The following KIAA1217 variants were observed in gnomAD, a reference collection of about 807,000 sequenced individuals.
KIAA1217 encodes the protein KIAA1217.
Under a neutral mutation model 163.9 loss-of-function variants are expected in KIAA1217, and 88 were observed. The observed-to-expected ratio is 0.54, with a 90% confidence interval of 0.45 to 0.64. KIAA1217 has a LOEUF of 0.64. KIAA1217 is among the 30% of genes least tolerant of loss of function. The pLI is 0.00. For synonymous variants in KIAA1217, 903 were observed against 923.1 expected (o/e 0.98, Z 0.39); for missense variants, 2,372 against 2,475.0 (o/e 0.96, Z 0.88).
chr10:24,140,455 T>TCCC (rs2064015426), intron 2 of KIAA1217, among the ~76,000 whole-genome samples: 4 of 151,822 alleles, frequency 2.6e-5, no homozygotes. Flanking sequence ...CAGTATGAAG[T>TCCC]AAAATAAGCT....
At position 23,887,102 on chromosome 10, in the gene KIAA1217, T is replaced by A. The variant is rs1174678188; in HGVS notation, c.-320-120123T>A. 2.0e-5 allele frequency among the ~76,000 whole-genome samples: 3 copies of A among 151,910 alleles called. 1 individual carries two copies. Among genetic ancestry groups the A allele is most frequent in the Middle Eastern group, 6.3e-3 (2 of 316 alleles). On this transcript the variant is annotated intron_variant, in intron 1 of 18. Transcript: ENST00000376462. ...AGATTTTAGACTTGGCATTACCATC[T>A]TCTGGCTTTCTTATCTTTGGAACAT... is the stretch of plus-strand genomic sequence containing the variant.
At chr10:23,961,371 A>G (rs1844813971) in intron 1 of KIAA1217, among the ~76,000 whole-genome samples, 1 of 152,244 alleles carries the variant, frequency 6.6e-6, no homozygotes, top group Non-Finnish European at 1.5e-5. Context: ...ATTGGCCAAC[A>G]GTGCCATGCG....
At chr10:24,386,404 T>C (rs1363842852) in intron 3 of KIAA1217, among the ~76,000 whole-genome samples, 1 of 152,150 alleles carries the variant, frequency 6.6e-6, no homozygotes, top group African/African-American at 2.4e-5. Context: ...GAATCTTCCA[T>C]CCTGTGTACA....
intron 1 of KIAA1217, among the ~76,000 whole-genome samples, chr10:23,972,565 T>C (rs1158852297): frequency 6.6e-6 from 1 of 151,698 alleles, no homozygotes; most frequent in Non-Finnish European, 1.5e-5. Context: ...TATAGATATA[T>C]GTAAATTTTA....
intron 1 of KIAA1217, among the ~76,000 whole-genome samples, chr10:23,751,606 AG>A (rs1233281587): frequency 6.6e-6 from 1 of 152,120 alleles, no homozygotes; most frequent in African/African-American, 2.4e-5. Context: ...TAAAAAAAAA[AG>A]AAATTTCTTC....
intron 1 of KIAA1217, among the ~76,000 whole-genome samples, chr10:23,749,798 A>G (rs570485629): frequency 1.1e-4 from 17 of 152,202 alleles, no homozygotes; most frequent in African/African-American, 3.4e-4. Context: ...ATGTTTTCCA[A>G]ATTTAGAGAT....
chr10:24,448,739 C>G (rs1272880807), intron 5 of KIAA1217, among the ~76,000 whole-genome samples: 1 of 152,192 alleles, frequency 6.6e-6, no homozygotes, highest in Non-Finnish European at 1.5e-5. Flanking sequence ...TCTAAACTTA[C>G]ACCGTAAGGG....
At position 24,064,348 on chromosome 10, in the gene KIAA1217, T is replaced by G. The variant is rs1303235852; in HGVS notation, c.-171+56974T>G. 1.3e-5 allele frequency among the ~76,000 whole-genome samples: 2 copies of G among 152,288 alleles called. 1 individual carries two copies. Among genetic ancestry groups the G allele is most frequent in the East Asian group, 3.9e-4 (2 of 5,188 alleles). ...CCTAATTTATTGAGAGTTTTGGGCA[T>G]GAGGGTTGTTGAATTTTTTCAAAGG... On this transcript the variant is annotated intron_variant, in intron 2 of 18. Coordinates refer to the KIAA1217 transcript ENST00000376462.
chr10:24,522,118 A>G (rs2071384857), intron 12 of KIAA1217, among the ~76,000 whole-genome samples, 189 bp downstream of exon 12: 1 of 152,122 alleles, frequency 6.6e-6, no homozygotes, highest in South Asian at 2.1e-4. Flanking sequence ...ATTCTTCAAC[A>G]CAGGATTGCT....
chr10:23,780,941 A>G (rs959708086), intron 1 of KIAA1217, among the ~76,000 whole-genome samples: 4 of 152,150 alleles, frequency 2.6e-5, no homozygotes, highest in Admixed American at 2.6e-4. Context: ...TCAGCCTCCC[A>G]AAGGGCTGGG....
chr10:24,048,771 G>T (rs946520117), intron 2 of KIAA1217, among the ~76,000 whole-genome samples: 6 of 150,690 alleles, frequency 4.0e-5, no homozygotes, highest in Non-Finnish European at 8.8e-5. Context: ...AGTGGCTCAC[G>T]CCTGTCATCC....
chr10:24,125,175 G>C (rs2063422856), intron 2 of KIAA1217, among the ~76,000 whole-genome samples: 1 of 152,172 alleles, frequency 6.6e-6, no homozygotes, highest in Admixed American at 6.5e-5. Flanking sequence ...GGGAGGCTAA[G>C]GCAGGAGAAT....
chr10:24,342,074 G>A lies in KIAA1217; in HGVS notation c.355-38795G>A, dbSNP rs16924607. Reference sequence around the variant, plus strand: ...AGCACTGTGGCCTTTGCAGCCAGAGGGCTTGTTTTAGAAGTACAGTACACT... The same window carrying A: ...AGCACTGTGGCCTTTGCAGCCAGAGAGCTTGTTTTAGAAGTACAGTACACT... On this transcript the variant is annotated intron_variant, in intron 2 of 20. Coordinates refer to ENST00000376454, the MANE Select transcript of KIAA1217 (RefSeq NM_019590.5). Among the ~76,000 whole-genome samples, 291 of 152,192 alleles carry A rather than the reference G, an allele frequency of 1.9e-3. 1 individual carries two copies. The highest frequency in any genetic ancestry group is 6.9e-3 in the African/African-American group (287 of 41,558).
chr10:24,544,978 C>T lies in KIAA1217; in HGVS notation c.5212-3C>T, dbSNP rs765194613. 5 of 1,613,846 alleles carry T rather than the reference C, an allele frequency of 3.1e-6. No individual in the cohort carries two copies. In the South Asian group the frequency reaches 3.3e-5, roughly 11 times the overall value. On this transcript the variant is annotated splice_polypyrimidine_tract_variant and splice_region_variant and intron_variant, in intron 19 of 20. Coordinates refer to ENST00000376454, the MANE Select transcript of KIAA1217 (RefSeq NM_019590.5). ...TTCCCCCTCTCACTGGTCCTTCCCA[C>T]AGGGCTCCAGCGGGGCCCCACAGAC... is the stretch of plus-strand genomic sequence containing the variant.
At chr10:24,476,207 A>C (rs2064019952) in intron 6 of KIAA1217, among the ~76,000 whole-genome samples, 1 of 152,228 alleles carries the variant, frequency 6.6e-6, no homozygotes, top group African/African-American at 2.4e-5. Flanking sequence ...TCCAGAACCT[A>C]GCTCAGTGTC....
Position 24,245,617 on chromosome 10 carries a change from C to CTCCCCT in KIAA1217, c.354+25724_354+25729dup, listed in dbSNP as rs146793846. Among the ~76,000 whole-genome samples, 7 of 152,152 alleles carry CTCCCCT rather than the reference C, an allele frequency of 4.6e-5. No individual in the cohort carries two copies. In the South Asian group the frequency reaches 8.3e-4, roughly 18 times the overall value. ...TCACAGGGATGTCAGATCTCATTTT[C>CTCCCCT]TCCCCTTCCCCTTCCCCTTCCTTTT... is the stretch of plus-strand genomic sequence containing the variant. On this transcript the variant is annotated intron_variant, in intron 2 of 20. Transcript: ENST00000376454.
Position 24,495,217 on chromosome 10 carries a change from C to G in KIAA1217, c.1834+21C>G. 1 of 1,606,350 alleles carries G rather than the reference C, an allele frequency of 6.2e-7. No individual in the cohort carries two copies. The highest frequency in any genetic ancestry group is 1.3e-5 in the African/African-American group (1 of 74,604). ...TGCAGGTAAGTAAGTGTTTTTGGAGCTGTAGGAGGCCTGTGGGCTGCCTGG... is the reference window on the plus strand; with the variant it reads ...TGCAGGTAAGTAAGTGTTTTTGGAGGTGTAGGAGGCCTGTGGGCTGCCTGG... On this transcript the variant is annotated intron_variant, in intron 8 of 20. Coordinates refer to ENST00000376454, the MANE Select transcript of KIAA1217 (RefSeq NM_019590.5).
At chr10:24,323,713 G>A (rs2133356369) in intron 2 of KIAA1217, among the ~76,000 whole-genome samples, 1 of 151,794 alleles carries the variant, frequency 6.6e-6, no homozygotes, top group Middle Eastern at 3.4e-3. Flanking sequence ...TTTTTCACTG[G>A]AAGAAAAATT....
chr10:24,223,895 C>A (rs146206082), intron 2 of KIAA1217, among the ~76,000 whole-genome samples: 1 of 145,154 alleles, frequency 6.9e-6, no homozygotes, highest in African/African-American at 2.5e-5. Flanking sequence ...TCATCATACC[C>A]GACTGAAAAT....
Sources: gnomAD v4.1 joint callset for allele counts (sites outside exome capture counted in the v4.1 genomes callset) on GRCh38, gnomAD v4.1.1 for gene constraint, MANE v1.5 for transcripts, NCBI Gene and HGNC (gene_info 2026-07-23, HGNC 2026-07-21) for gene names.